The following TRPM3 variants were observed in gnomAD, a reference collection of about 807,000 sequenced individuals.
TRPM3 encodes the protein transient receptor potential cation channel subfamily M member 3.
TRPM3 carries 77 observed loss-of-function variants against 181.2 expected under a neutral mutation model. The observed-to-expected ratio is 0.42, with a 90% confidence interval of 0.35 to 0.51. TRPM3 has a LOEUF of 0.51. TRPM3 is among the 20% of genes least tolerant of loss of function. The pLI is 0.01. For synonymous variants in TRPM3, 745 were observed against 796.4 expected (o/e 0.94, Z 1.09); for missense variants, 1,759 against 2,196.7 (o/e 0.80, Z 3.98).
At chr9:71,181,309 T>G (rs912204093) in intron 1 of TRPM3, among the ~76,000 whole-genome samples, 2 of 152,008 alleles carry the variant, frequency 1.3e-5, no homozygotes, top group Non-Finnish European at 2.9e-5. Flanking sequence ...AAACTTCAAC[T>G]TCTGTTTTAA....
intron 7 of TRPM3, among the ~76,000 whole-genome samples, chr9:70,779,850 A>G (rs1023367058): frequency 2.2e-4 from 34 of 152,250 alleles, no homozygotes; most frequent in African/African-American, 7.5e-4. Context: ...CTAAACTATG[A>G]CAGATGAGAA....
intron 8 of TRPM3, among the ~76,000 whole-genome samples, chr9:70,743,411 A>G (rs2074536005): frequency 6.6e-6 from 1 of 152,194 alleles, no homozygotes; most frequent in African/African-American, 2.4e-5. Context: ...GTTTTATTAT[A>G]ATTATTTCAT....
chr9:70,947,966 T>C (rs1434485997), intron 1 of TRPM3, among the ~76,000 whole-genome samples: 1 of 152,202 alleles, frequency 6.6e-6, no homozygotes, highest in Non-Finnish European at 1.5e-5. Context: ...GTATCACTTG[T>C]AAAACATTTA....
intron 1 of TRPM3, among the ~76,000 whole-genome samples, chr9:71,286,034 G>A (rs77221045): frequency 3.2e-5 from 3 of 92,818 alleles, no homozygotes; most frequent in Non-Finnish European, 7.2e-5. Flanking sequence ...TTCAGGGAAA[G>A]AAAAAAGTGA....
At chr9:70,670,204 C>G (rs1319972696) in intron 9 of TRPM3, among the ~76,000 whole-genome samples, 1 of 152,144 alleles carries the variant, frequency 6.6e-6, no homozygotes, top group African/African-American at 2.4e-5. Context: ...CTGATTCATT[C>G]CAGGTGTTCT....
intron 1 of TRPM3, among the ~76,000 whole-genome samples, chr9:70,991,386 A>G (rs980586983): frequency 2.0e-5 from 3 of 152,156 alleles, no homozygotes; most frequent in African/African-American, 7.2e-5. Flanking sequence ...ATATTCCCAC[A>G]TATCATTTAT....
At chr9:71,376,815 A>T (rs2092678407) in intron 1 of TRPM3, among the ~76,000 whole-genome samples, 2 of 152,212 alleles carry the variant, frequency 1.3e-5, no homozygotes, top group East Asian at 3.9e-4. Flanking sequence ...ACAGTGAAGC[A>T]TGGATTAAAA....
At chr9:70,970,866 C>G (rs752834598) in intron 1 of TRPM3, among the ~76,000 whole-genome samples, 7 of 152,124 alleles carry the variant, frequency 4.6e-5, no homozygotes, top group Non-Finnish European at 8.8e-5. Context: ...GGCTTATCAC[C>G]TATACATTTT....
intron 6 of TRPM3, among the ~76,000 whole-genome samples, chr9:70,814,917 TTTTC>T (rs1037820477): frequency 2.4e-4 from 36 of 147,810 alleles, no homozygotes; most frequent in African/African-American, 6.9e-4. Flanking sequence ...CTTCCTTTCC[TTTTC>T]TTTCTTTTTT....
chr9:71,355,119 C>A (rs1164271100), intron 1 of TRPM3, among the ~76,000 whole-genome samples: 2 of 152,116 alleles, frequency 1.3e-5, no homozygotes. Context: ...GTTTTCTTGT[C>A]TTTTTCCTTC....
In TRPM3 at chr9:70,784,129, C is replaced by G; in HGVS notation, c.1124G>C (p.Gly375Ala). The G allele has an allele frequency of 6.2e-7, 1 of 1,613,438 alleles. No individual in the cohort carries two copies. The highest frequency in any genetic ancestry group is 1.1e-5 in the South Asian group (1 of 91,002). ...SGRASDILAF[G>A]HKYSEEGGLI... ...CCCGCCTTCTTCTGAGTATTTATGCCCAAAGGCCAGGATGTCCGATGCCCG... is the reference window on the plus strand; with the variant it reads ...CCCGCCTTCTTCTGAGTATTTATGCGCAAAGGCCAGGATGTCCGATGCCCG... Residue 375 changes from glycine to alanine, a missense_variant, in exon 7 of 26, where the codon GGG (glycine) becomes GCG (alanine). By Grantham distance (60) the Gly-to-Ala change is moderately conservative. Around this residue, in one of 8 missense-constraint regions of TRPM3, gnomAD observed 737 missense variants for 957.4 expected, o/e 0.77. Transcript: ENST00000677713.
In TRPM3 at chr9:71,314,258, C is replaced by G. The variant is rs371165369; in HGVS notation, c.183+132395G>C. Among the ~76,000 whole-genome samples the G allele has an allele frequency of 9.2e-5, 14 of 152,186 alleles. No individual in the cohort carries two copies. The East Asian group carries it at 1.2e-3, about 13-fold the overall frequency. On this transcript the variant is annotated intron_variant, in intron 1 of 24. Transcript: ENST00000357533. ...ACCTGTGATAAATACACCAAGAACA[C>G]AGTTATCATATGATTTTTTTATCAA...
intron 1 of TRPM3, among the ~76,000 whole-genome samples, chr9:71,242,447 T>C (rs532670436): frequency 1.4e-4 from 21 of 152,348 alleles, no homozygotes; most frequent in African/African-American, 5.1e-4. Flanking sequence ...GCTTGACTTC[T>C]GTTAACAGAA....
intron 1 of TRPM3, among the ~76,000 whole-genome samples, chr9:71,310,391 C>A (rs1364201213): frequency 6.6e-6 from 1 of 151,918 alleles, no homozygotes; most frequent in African/African-American, 2.4e-5. Context: ...CTTAAAAAAT[C>A]TAGAGAAAGA....
At chr9:71,216,933 CTTTCTTTTTTTTTTTTTTTTTTTTTTTT>C (rs2079906963) in intron 1 of TRPM3, among the ~76,000 whole-genome samples, 1 of 128,790 alleles carries the variant, frequency 7.8e-6, no homozygotes, top group Non-Finnish European at 1.6e-5. Context: ...GTCAGTGGCC[CTTTCTTTTTTTTTTTTTTTTTTTTTTTT>C]TTTTTTTGAG....
At chr9:70,753,000 G>T (rs1298751592) in intron 8 of TRPM3, among the ~76,000 whole-genome samples, 1 of 152,070 alleles carries the variant, frequency 6.6e-6, no homozygotes, top group Admixed American at 6.6e-5. Context: ...AAAGCTACTT[G>T]GGAGGCTGAG....
At chr9:70,582,181 C>CGTGTGTGTGTGTGT (rs3073501) in intron 22 of TRPM3, among the ~76,000 whole-genome samples, 1 of 149,154 alleles carries the variant, frequency 6.7e-6, no homozygotes, top group Non-Finnish European at 1.5e-5. Flanking sequence ...CCACCCTGTG[C>CGTGTGTGTGTGTGT]GTGTGTGTGT....
intron 1 of TRPM3, among the ~76,000 whole-genome samples, chr9:70,998,902 T>C (rs2134210766): frequency 6.6e-6 from 1 of 152,318 alleles, no homozygotes. Context: ...CCCTGCTCAC[T>C]CATCATTTTT....
rs1274890587 is a variant in TRPM3 at position 70,828,380 on chromosome 9, T to C, written c.802-362A>G. Among the ~76,000 whole-genome samples the C allele has an allele frequency of 2.0e-5, 3 of 152,350 alleles. 1 individual carries two copies. Among genetic ancestry groups the C allele is most frequent in the South Asian group, 4.1e-4 (2 of 4,830 alleles). ...TTACAATCTAGTTATTTTGTTTCTT[T>C]CCTTTCTCTATCATGTCCATACTTT... is the stretch of plus-strand genomic sequence containing the variant. On this transcript the variant is annotated intron_variant, in intron 5 of 25. Coordinates refer to ENST00000677713, the MANE Select transcript of TRPM3 (RefSeq NM_001366145.2).
Sources: allele counts gnomAD v4.1 joint callset (sites outside exome capture counted in the v4.1 genomes callset), GRCh38; gene constraint gnomAD v4.1.1; regional missense constraint gnomAD v4.1.1; transcripts MANE v1.5; gene names NCBI Gene and HGNC (gene_info 2026-07-23, HGNC 2026-07-21).